The following MALRD1 variants were observed in gnomAD, a reference collection of about 807,000 sequenced individuals.
The protein encoded by MALRD1 is MAM and LDL receptor class A domain containing 1.
Under a neutral mutation model 242.1 loss-of-function variants are expected in MALRD1, and 247 were observed. The ratio of observed to expected loss-of-function variants is 1.02; its 90% confidence interval spans 0.92 to 1.13. The LOEUF is 1.13. MALRD1 is among the 50% of genes most tolerant of loss of function. The probability of loss-of-function intolerance (pLI) is 0.00; values close to 1 mark genes in which losing one functional copy is unlikely to be tolerated. For missense variants in MALRD1, 2,989 were observed against 2,533.1 expected, an observed-to-expected ratio of 1.18 and a Z score of -3.86; for synonymous variants, 995 against 866.6, an observed-to-expected ratio of 1.15 and a Z score of -2.60.
Position 19,368,306 on chromosome 10 carries a change from G to A in MALRD1, c.4441+16009G>A, listed in dbSNP as rs143680088. Among the ~76,000 whole-genome samples, 1,519 of 151,970 alleles carry A rather than the reference G, an allele frequency of 1.0e-2. 28 individuals are homozygous for A. The highest frequency in any genetic ancestry group is 0.034 in the African/African-American group (1,422 of 41,466). On this transcript the variant is annotated intron_variant, in intron 26 of 39. Transcript: ENST00000454679. ...TTTAATTTTGTATAGGCTGAGAGGC[G>A]GGGGCCTAGTTTCCTTCTTCTGCAT...
chr10:19,517,030 G>C (rs1272077387), intron 31 of MALRD1, among the ~76,000 whole-genome samples: 5 of 152,210 alleles, frequency 3.3e-5, no homozygotes, highest in East Asian at 3.8e-4. Flanking sequence ...TCAGGGGTTT[G>C]AGACGAGGGG....
At chr10:19,409,078 C>A (rs1833161093) in intron 28 of MALRD1, among the ~76,000 whole-genome samples, 1 of 152,162 alleles carries the variant, frequency 6.6e-6, no homozygotes. Context: ...CTAGAAACAA[C>A]CCAGATGGCC....
chr10:19,308,439 A>C (rs942148746), intron 21 of MALRD1, among the ~76,000 whole-genome samples: 1 of 151,586 alleles, frequency 6.6e-6, no homozygotes, highest in African/African-American at 2.4e-5. Flanking sequence ...CAGAAATAGA[A>C]AAAGAAGTAA....
At chr10:19,249,293 C>T (rs561428434) in intron 18 of MALRD1, among the ~76,000 whole-genome samples, 1 of 151,678 alleles carries the variant, frequency 6.6e-6, no homozygotes, top group East Asian at 1.9e-4. Context: ...GAATTGGAAT[C>T]CAGGAACTAG....
intron 30 of MALRD1, among the ~76,000 whole-genome samples, chr10:19,492,802 G>A (rs1188176429): frequency 1.3e-5 from 2 of 152,072 alleles, no homozygotes; most frequent in East Asian, 1.9e-4. Context: ...GACTTTCAAT[G>A]GGAAAATACA....
chr10:19,085,661 A>G (rs185103606), intron 2 of MALRD1, among the ~76,000 whole-genome samples: 5 of 152,108 alleles, frequency 3.3e-5, no homozygotes, highest in African/African-American at 1.2e-4. Flanking sequence ...TTTTATTTAT[A>G]AAACACTGTT....
chr10:19,069,038 C>T (rs1206101876), intron 2 of MALRD1, among the ~76,000 whole-genome samples: 1 of 151,992 alleles, frequency 6.6e-6, no homozygotes, highest in Non-Finnish European at 1.5e-5. Flanking sequence ...GATGGTGAAA[C>T]TGCCTTTAAA....
At chr10:19,239,058 CTTTTCT>C (rs1479680386) in intron 18 of MALRD1, among the ~76,000 whole-genome samples, 1 of 89,482 alleles carries the variant, frequency 1.1e-5, no homozygotes, top group South Asian at 5.5e-4. Flanking sequence ...TTATTTTGTC[CTTTTCT>C]TTTTTTTTTT....
At chr10:19,234,238 AAATTAT>A (rs886230871) in intron 18 of MALRD1, among the ~76,000 whole-genome samples, 1 of 152,048 alleles carries the variant, frequency 6.6e-6, no homozygotes, top group Non-Finnish European at 1.5e-5. Flanking sequence ...CCTATTTTAA[AAATTAT>A]AATTAGTTGA....
chr10:19,188,449 G>A (rs1473114081), intron 14 of MALRD1, among the ~76,000 whole-genome samples: 1 of 152,142 alleles, frequency 6.6e-6, no homozygotes, highest in Non-Finnish European at 1.5e-5. Context: ...TTTAGGAGGT[G>A]AGATAAATTG....
chr10:19,186,970 A>G (rs915105998), intron 14 of MALRD1, among the ~76,000 whole-genome samples: 1 of 152,206 alleles, frequency 6.6e-6, no homozygotes. Flanking sequence ...TGCCTTGCAG[A>G]AACACACCAC....
chr10:19,405,303 C>A (rs985359429), intron 28 of MALRD1, among the ~76,000 whole-genome samples: 1 of 152,170 alleles, frequency 6.6e-6, no homozygotes, highest in African/African-American at 2.4e-5. Context: ...TCCTCTCCCT[C>A]TTTGAAGTCC....
rs12253327 is a variant in MALRD1 at position 19,220,882 on chromosome 10, A to G, written c.2991+11202A>G. On this transcript the variant is annotated intron_variant, in intron 18 of 39. Transcript: ENST00000454679. ...CAGGAAACAGGTCTTACAATCTTCA[A>G]CCCACTTTCTCCTAACATGGCCCCT... Among the ~76,000 whole-genome samples the G allele has an allele frequency of 2.9e-3, 435 of 152,174 alleles. 1 individual carries two copies. Among genetic ancestry groups the G allele is most frequent in the African/African-American group, 0.01 (421 of 41,536 alleles).
chr10:19,307,648 A>C (rs1406193949), intron 21 of MALRD1, among the ~76,000 whole-genome samples: 1 of 151,476 alleles, frequency 6.6e-6, no homozygotes. Context: ...TGAAAACAAC[A>C]TGCTGAAGCT....
intron 33 of MALRD1, among the ~76,000 whole-genome samples, chr10:19,586,815 C>G (rs1837435378): frequency 6.6e-6 from 1 of 152,238 alleles, no homozygotes; most frequent in Non-Finnish European, 1.5e-5. Context: ...GCAGGTGCCC[C>G]TCCCCCAGCC....
At chr10:19,698,682 A>G (rs1025461773) in intron 38 of MALRD1, among the ~76,000 whole-genome samples, 3 of 152,222 alleles carry the variant, frequency 2.0e-5, no homozygotes, top group Admixed American at 6.5e-5. Context: ...GATGATGCCT[A>G]GAAAACAGGT....
intron 28 of MALRD1, among the ~76,000 whole-genome samples, chr10:19,442,127 C>G (rs947618213): frequency 5.9e-5 from 9 of 152,070 alleles, no homozygotes; most frequent in African/African-American, 2.2e-4. Flanking sequence ...TGATTTGGCT[C>G]TCTGTTAGTC....
At chr10:19,426,326 G>T (rs72784335) in intron 28 of MALRD1, among the ~76,000 whole-genome samples, 15,001 of 152,188 alleles carry the variant, frequency 0.099, 850 homozygotes, top group Non-Finnish European at 0.13. Flanking sequence ...AAATATAGAT[G>T]AATGGAGTTT....
chr10:19,079,362 C>T (rs1185838584), intron 2 of MALRD1, among the ~76,000 whole-genome samples: 1 of 151,690 alleles, frequency 6.6e-6, no homozygotes, highest in Non-Finnish European at 1.5e-5. Flanking sequence ...TTTGTATGCT[C>T]TTAAATATAT....
Sources: allele counts gnomAD v4.1 joint callset (sites outside exome capture counted in the v4.1 genomes callset), GRCh38; gene constraint gnomAD v4.1.1; transcripts MANE v1.5; gene names NCBI Gene and HGNC (gene_info 2026-07-23, HGNC 2026-07-21).